The following PRKDC variants were observed in gnomAD, a reference collection of about 807,000 sequenced individuals.
PRKDC encodes DNA-dependent protein kinase catalytic subunit.
Under a neutral mutation model 486.9 loss-of-function variants are expected in PRKDC, and 82 were observed. The observed-to-expected ratio is 0.17, with a 90% CI of 0.14 to 0.20. PRKDC has a LOEUF of 0.20. PRKDC is among the 10% of genes least tolerant of loss of function. PRKDC has a pLI of 1.00. For missense variants in PRKDC, 4,504 were observed against 5,038.2 expected, an observed-to-expected ratio of 0.89 and a Z score of 3.21; for synonymous variants, 1,895 against 1,837.0, an observed-to-expected ratio of 1.03 and a Z score of -0.81.
At chr8:47,799,065 C>A (rs2087041836) in intron 72 of PRKDC, 145 bp downstream of exon 72, 3 of 1,081,346 alleles carry the variant, frequency 2.8e-6, no homozygotes, top group South Asian at 1.6e-5. Flanking sequence ...CTGCACCCGG[C>A]TGCCATTGTC....
rs530594644 is a variant in PRKDC, at chr8:47,834,367, C to A, written c.7981G>T (p.Gly2661Trp). Residue 2661 changes from glycine (G) to tryptophan (W), a missense_variant, in exon 59 of 86, where the codon GGG becomes TGG. By Grantham distance (184) the Gly-to-Trp change is radical (BLOSUM62 -2). Transcript: ENST00000314191. Reference protein sequence around the residue: ...DGRSSFDWLTGSSTDPLVDHT... With the variant: ...DGRSSFDWLTWSSTDPLVDHT... ...TCGACCAGCGGGTCAGTGCTGCTCC[C>A]GGTCAGCCAATCAAATGAGCTTCTT... The A allele has an allele frequency of 1.2e-6, 2 of 1,613,622 alleles. No homozygotes were observed. Among genetic ancestry groups the A allele is most frequent in the African/African-American group, 2.7e-5 (2 of 74,908 alleles).
chr8:47,827,198 T>C (rs1372606775), intron 62 of PRKDC, among the ~76,000 whole-genome samples: 1 of 151,008 alleles, frequency 6.6e-6, no homozygotes, highest in Non-Finnish European at 1.5e-5. Flanking sequence ...ACGGAGCTAA[T>C]GTATAAAGAA....
In PRKDC at chr8:47,782,650, T is replaced by G. The variant is rs8178240; in HGVS notation, c.11176-52A>C. The G allele has an allele frequency of 5.9e-3, 9,096 of 1,531,610 alleles. 371 individuals are homozygous for G. In the African/African-American group the frequency reaches 0.097, roughly 16 times the overall value. 94.9% of individuals were successfully genotyped at this position (1,531,610 alleles called of 1,614,324 possible). On this transcript the variant is annotated intron_variant, in intron 78 of 85. Transcript: ENST00000314191. The surrounding 1 kb of genome is among the most constrained non-coding windows in gnomAD (Gnocchi z 4.9). Reference sequence around the variant, plus strand: ...GGCACAGGCTAGCCACGTGTCAAACTCAGAGGGAAAAGCCAGAGTGGCTGT... The same window carrying G: ...GGCACAGGCTAGCCACGTGTCAAACGCAGAGGGAAAAGCCAGAGTGGCTGT...
At chr8:47,875,424 A>G (rs1288526774) in intron 40 of PRKDC, among the ~76,000 whole-genome samples, 1 of 151,850 alleles carries the variant, frequency 6.6e-6, no homozygotes, top group Non-Finnish European at 1.5e-5. Context: ...TTTCTCCACC[A>G]TTTTTCTGTT....
intron 38 of PRKDC, among the ~76,000 whole-genome samples, chr8:47,880,528 C>T (rs1264224239): frequency 6.6e-6 from 1 of 152,048 alleles, no homozygotes; most frequent in Non-Finnish European, 1.5e-5. Flanking sequence ...GAATTAAGGC[C>T]ACTTTTCAGT....
intron 23 of PRKDC, among the ~76,000 whole-genome samples, chr8:47,914,499 TA>T (rs2089957394): frequency 6.6e-6 from 1 of 152,176 alleles, no homozygotes; most frequent in Non-Finnish European, 1.5e-5. Flanking sequence ...ATCAAAAATG[TA>T]GACTTTTGGC....
intron 52 of PRKDC, among the ~76,000 whole-genome samples, chr8:47,851,764 C>G (rs28485144): frequency 0.22 from 34,198 of 152,000 alleles, 7,492 homozygotes; most frequent in African/African-American, 0.56. Context: ...ATGCAGCTGA[C>G]GAAAGGGAGA....
intron 41 of PRKDC, among the ~76,000 whole-genome samples, chr8:47,864,099 G>T (rs1236319202): frequency 6.6e-6 from 1 of 152,200 alleles, no homozygotes; most frequent in Admixed American, 6.5e-5. Flanking sequence ...GATTATTTTG[G>T]ATTGTACAGG....
chr8:47,801,218 T>G (rs1447997591), intron 70 of PRKDC, among the ~76,000 whole-genome samples: 2 of 152,082 alleles, frequency 1.3e-5, no homozygotes, highest in East Asian at 3.9e-4. Context: ...ACTACAGGCT[T>G]GCACCACCAT....
chr8:47,950,163 T>G (rs988723334), intron 7 of PRKDC, among the ~76,000 whole-genome samples: 1 of 151,694 alleles, frequency 6.6e-6, no homozygotes, highest in African/African-American at 2.4e-5. Flanking sequence ...TCCCAGCTAC[T>G]CGGGAGGCTG....
rs760804752 is a variant in PRKDC, at chr8:47,830,692, A to G, written c.8310T>C (p.Val2770=). ...ELKMKQDAQV[V]LYRSYRHGDL... ...CTCCGTGCCGGTAGCTTCTGTACAG[A>G]ACGACCTGGGCATCCTGCTTCATTT... Residue 2770 remains valine, a synonymous_variant, in exon 61 of 86, where the codon GTT becomes GTC. Coordinates refer to ENST00000314191, the MANE Select transcript of PRKDC (RefSeq NM_006904.7). The G allele has an allele frequency of 1.9e-6, 3 of 1,613,850 alleles. No individual in the cohort carries two copies. Among genetic ancestry groups the G allele is most frequent in the African/African-American group, 2.7e-5 (2 of 74,914 alleles).
At chr8:47,874,042 C>T (rs1356202320) in intron 40 of PRKDC, among the ~76,000 whole-genome samples, 10 of 131,166 alleles carry the variant, frequency 7.6e-5, no homozygotes, top group Non-Finnish European at 1.4e-4. Context: ...CTCCCGGGTT[C>T]ACGTCATTCT....
chr8:47,824,302 G>A lies in PRKDC; in HGVS notation c.8784-306C>T, dbSNP rs55738030. Among the ~76,000 whole-genome samples the A allele has an allele frequency of 4.6e-3, 701 of 151,732 alleles. 4 individuals are homozygous for A. Among genetic ancestry groups the A allele is most frequent in the Middle Eastern group, 0.01 (3 of 294 alleles). Reference sequence around the variant, plus strand: ...AGCCTGGCCAACATGGTGAAACCCCGTCTCTACTAAAAATACAAAAAATTA... The same window carrying A: ...AGCCTGGCCAACATGGTGAAACCCCATCTCTACTAAAAATACAAAAAATTA... On this transcript the variant is annotated intron_variant, in intron 63 of 85. Coordinates refer to ENST00000314191, the MANE Select transcript of PRKDC (RefSeq NM_006904.7).
chr8:47,837,465 T>C, intron 56 of PRKDC, 46 bp from the exon 57 acceptor site: 1 of 1,437,292 alleles, frequency 7.0e-7, no homozygotes, highest in African/African-American at 1.4e-5. Context: ...CAATGGCAAA[T>C]GGGAAAGAAT....
In PRKDC at chr8:47,857,345, T is replaced by C. The variant is rs758871228; in HGVS notation, c.6466-46A>G. 2.6e-6 allele frequency: 4 copies of C among 1,559,616 alleles called. No individual in the cohort carries two copies. The Admixed American group carries it at 5.7e-5, about 22-fold the overall frequency. On this transcript the variant is annotated intron_variant, in intron 48 of 85. Coordinates refer to ENST00000314191, the MANE Select transcript of PRKDC (RefSeq NM_006904.7). ...CAAACATCAAAGAATGGTCTTAAAT[T>C]GCCAAAATATTAATACAAGACTGTA...
At chr8:47,898,269 T>C (rs2089616982) in intron 29 of PRKDC, among the ~76,000 whole-genome samples, 3 of 152,248 alleles carry the variant, frequency 2.0e-5, no homozygotes, top group Admixed American at 6.5e-5. Context: ...AAATACCTTA[T>C]ACCTTATCCC....
chr8:47,846,732 G>A (rs1262310282), intron 54 of PRKDC, among the ~76,000 whole-genome samples: 3 of 152,114 alleles, frequency 2.0e-5, no homozygotes, highest in African/African-American at 7.2e-5. Flanking sequence ...TTCTCTGATG[G>A]TATGATTCTA....
Position 47,782,685 on chromosome 8 carries a change from T to A in PRKDC, c.11176-87A>T. On this transcript the variant is annotated intron_variant, in intron 78 of 85. Transcript: ENST00000314191. This position sits in a 1 kb window ranked among gnomAD's most constrained non-coding sequence, Gnocchi z 4.9. ...AAGCCAGAGTGGCTGTGAGCATTCC[T>A]CCGTGGGGCCGCCCTCTGAAGACAG... 1 of 1,410,774 alleles carries A rather than the reference T, an allele frequency of 7.1e-7. No individual in the cohort carries two copies. Among genetic ancestry groups the A allele is most frequent in the South Asian group, 1.3e-5 (1 of 76,556 alleles). 87.4% of individuals were successfully genotyped at this position (1,410,774 alleles called of 1,614,324 possible).
At position 47,927,800 on chromosome 8, in the gene PRKDC, C is replaced by G. The variant is rs35938758; in HGVS notation, c.2230G>C (p.Asp744His). Residue 744 changes from aspartate to histidine, a missense_variant, in exon 20 of 86, where the codon GAT becomes CAT. Asp to His is a moderately conservative substitution (Grantham distance 81). Coordinates refer to ENST00000314191, the MANE Select transcript of PRKDC (RefSeq NM_006904.7). Reference protein sequence around the residue: ...LSLPHNIIELDVRAYVPALQM... With the variant: ...LSLPHNIIELHVRAYVPALQM... ...AGTGCAGGAACGTAGGCTCTAACATCGAGTTCAATGATGTTGTGTGGCAAG... is the reference window on the plus strand; with the variant it reads ...AGTGCAGGAACGTAGGCTCTAACATGGAGTTCAATGATGTTGTGTGGCAAG... 1 of 1,581,546 alleles carries G rather than the reference C, an allele frequency of 6.3e-7. No individual in the cohort carries two copies. The highest frequency in any genetic ancestry group is 8.6e-7 in the Non-Finnish European group (1 of 1,166,492).
Sources: gnomAD v4.1 joint callset for allele counts (sites outside exome capture counted in the v4.1 genomes callset) on GRCh38, gnomAD v4.1.1 for gene constraint, Gnocchi (gnomAD v3.1) non-coding constraint, MANE v1.5 for transcripts, NCBI Gene and HGNC (gene_info 2026-07-23, HGNC 2026-07-21) for gene names.